LRP1B: variants seen among roughly 807,000 people sequenced by gnomAD.
LRP1B encodes the protein LDL receptor related protein 1B.
In LRP1B, 217 loss-of-function variants were observed where a neutral mutation model predicts 556.6. The observed-to-expected ratio is 0.39, with a 90% CI of 0.35 to 0.44. The LOEUF is 0.44. LRP1B is among the 20% of genes least tolerant of loss of function. The probability of loss-of-function intolerance (pLI) is 1.00; values close to 1 mark genes in which losing one functional copy is unlikely to be tolerated. For missense variants in LRP1B, 5,053 were observed against 5,620.8 expected (o/e 0.90, Z 3.23); for synonymous variants, 2,047 against 1,865.8 (o/e 1.10, Z -2.50).
Position 142,123,328 on chromosome 2 carries a change from T to C in LRP1B, c.82+7320A>G, listed in dbSNP as rs959321729. On this transcript the variant is annotated intron_variant, in intron 1 of 90. Coordinates refer to ENST00000389484, the MANE Select transcript of LRP1B (RefSeq NM_018557.3). ...AAATTCTTAAGGAATTATATATTCG[T>C]ATTTCTAAAGTTAAGCAGTCTTGGA... is the stretch of plus-strand genomic sequence containing the variant. Among the ~76,000 whole-genome samples the C allele has an allele frequency of 2.6e-5, 4 of 152,016 alleles. No individual in the cohort carries two copies. The East Asian group carries it at 7.7e-4, about 29-fold the overall frequency.
chr2:140,385,715 T>C (rs1683728341), intron 67 of LRP1B, among the ~76,000 whole-genome samples, 178 bp downstream of exon 67: 1 of 152,338 alleles, frequency 6.6e-6, no homozygotes. Context: ...AGCATTTCAA[T>C]AATTCTACCA....
chr2:141,840,118 G>A (rs1324362111), intron 1 of LRP1B, among the ~76,000 whole-genome samples: 1 of 151,976 alleles, frequency 6.6e-6, no homozygotes, highest in African/African-American at 2.4e-5. Context: ...AATTAATCAT[G>A]TAGAAATATG....
In LRP1B at chr2:140,737,097, T is replaced by A. The variant is rs542623342; in HGVS notation, c.5759-20281A>T. ...GGAAGACAAGAAGCCAGAGGGTGGT[T>A]GCCCCAATAAAAATGTATGATCCCT... On this transcript the variant is annotated intron_variant, in intron 35 of 90. Coordinates refer to ENST00000389484, the MANE Select transcript of LRP1B (RefSeq NM_018557.3). Among the ~76,000 whole-genome samples the A allele has an allele frequency of 7.1e-4, 108 of 152,250 alleles. 1 individual carries two copies. Among genetic ancestry groups the A allele is most frequent in the South Asian group, 3.7e-3 (18 of 4,822 alleles).
intron 9 of LRP1B, among the ~76,000 whole-genome samples, chr2:141,057,666 T>C (rs1297443456): frequency 6.6e-6 from 1 of 151,880 alleles, no homozygotes; most frequent in Non-Finnish European, 1.5e-5. Flanking sequence ...AAGATGTGAC[T>C]TGCTCCTCCT....
At chr2:141,699,129 G>A (rs757907077) in intron 2 of LRP1B, among the ~76,000 whole-genome samples, 20 of 151,744 alleles carry the variant, frequency 1.3e-4, no homozygotes, top group Admixed American at 6.6e-5. Context: ...TCATAAGCAC[G>A]AAGAGAGAAA....
chr2:141,957,490 G>T (rs1276019092), intron 1 of LRP1B, among the ~76,000 whole-genome samples: 1 of 151,762 alleles, frequency 6.6e-6, no homozygotes, highest in Non-Finnish European at 1.5e-5. Context: ...CTTGTCGGGA[G>T]AACTCAGTCA....
intron 1 of LRP1B, among the ~76,000 whole-genome samples, chr2:141,872,746 CA>C (rs922732569): frequency 2.0e-5 from 3 of 151,120 alleles, no homozygotes; most frequent in South Asian, 2.1e-4. Context: ...AAATCATTTA[CA>C]AAAAAAATGG....
intron 2 of LRP1B, among the ~76,000 whole-genome samples, chr2:141,790,127 C>G (rs1695563679): frequency 1.3e-5 from 2 of 151,748 alleles, no homozygotes; most frequent in African/African-American, 4.8e-5. Flanking sequence ...GAATCATTAC[C>G]TCATTGTTAT....
At chr2:141,712,794 C>A (rs1249264244) in intron 2 of LRP1B, among the ~76,000 whole-genome samples, 2 of 150,768 alleles carry the variant, frequency 1.3e-5, no homozygotes, top group African/African-American at 4.9e-5. Flanking sequence ...CTCAGCCTCC[C>A]TAGTAGCTAG....
At chr2:141,416,387 A>T (rs768374959) in intron 3 of LRP1B, among the ~76,000 whole-genome samples, 6 of 152,062 alleles carry the variant, frequency 3.9e-5, no homozygotes, top group Non-Finnish European at 8.8e-5. Flanking sequence ...AATTTAGGCA[A>T]GACATAAGCT....
intron 2 of LRP1B, among the ~76,000 whole-genome samples, chr2:141,498,537 C>T (rs1422657697): frequency 6.6e-6 from 1 of 151,804 alleles, no homozygotes; most frequent in African/African-American, 2.4e-5. Flanking sequence ...CAATGGTACC[C>T]TTTTATAATG....
intron 2 of LRP1B, among the ~76,000 whole-genome samples, chr2:141,673,605 G>A (rs1019785726): frequency 6.6e-6 from 1 of 152,070 alleles, no homozygotes. Flanking sequence ...GTAAAACAAT[G>A]TGAGAACATT....
chr2:140,455,047 T>G (rs1414357567), intron 62 of LRP1B, among the ~76,000 whole-genome samples: 1 of 152,188 alleles, frequency 6.6e-6, no homozygotes, highest in Non-Finnish European at 1.5e-5. Context: ...GGATGGAGGT[T>G]ACCTGAAAAT....
intron 35 of LRP1B, among the ~76,000 whole-genome samples, chr2:140,768,352 G>A (rs965006950): frequency 6.6e-6 from 1 of 151,736 alleles, no homozygotes; most frequent in Non-Finnish European, 1.5e-5. Flanking sequence ...ATAGCTATTT[G>A]TTTTTTAACA....
chr2:141,979,429 T>C (rs921471108), intron 1 of LRP1B, among the ~76,000 whole-genome samples: 7 of 152,112 alleles, frequency 4.6e-5, no homozygotes, highest in African/African-American at 1.7e-4. Context: ...TTTGTCATCA[T>C]TTTGTCGCAT....
At chr2:141,444,944 A>G (rs1483968176) in intron 3 of LRP1B, among the ~76,000 whole-genome samples, 1 of 152,168 alleles carries the variant, frequency 6.6e-6, no homozygotes, top group East Asian at 1.9e-4. Flanking sequence ...GGCCTCATAA[A>G]ATGAGTTAGG....
intron 18 of LRP1B, among the ~76,000 whole-genome samples, chr2:140,977,196 C>A (rs928959239): frequency 1.3e-5 from 2 of 152,108 alleles, no homozygotes; most frequent in Non-Finnish European, 2.9e-5. Context: ...GGGGGCAGGT[C>A]TTTGCCGTGC....
chr2:140,434,853 C>T lies in LRP1B; in HGVS notation c.10414+7651G>A, dbSNP rs141737426. 2.4e-4 allele frequency among the ~76,000 whole-genome samples: 37 copies of T among 152,044 alleles called. 1 individual carries two copies. In the East Asian group the frequency reaches 2.9e-3, roughly 12 times the overall value. Reference sequence around the variant, plus strand: ...TGGCTGAAAACAGCCTTTTTCATAGCGAAATCTAACACCATTTGGATCTTC... The same window carrying T: ...TGGCTGAAAACAGCCTTTTTCATAGTGAAATCTAACACCATTTGGATCTTC... On this transcript the variant is annotated intron_variant, in intron 66 of 90. Transcript: ENST00000389484.
intron 3 of LRP1B, among the ~76,000 whole-genome samples, chr2:141,272,665 G>A (rs1685131074): frequency 6.6e-6 from 1 of 151,874 alleles, no homozygotes; most frequent in Non-Finnish European, 1.5e-5. Context: ...AAGTTGGAGT[G>A]GCTATATAAT....
Sources: gnomAD v4.1 joint callset for allele counts (sites outside exome capture counted in the v4.1 genomes callset) on GRCh38, gnomAD v4.1.1 for gene constraint, MANE v1.5 for transcripts, NCBI Gene and HGNC (gene_info 2026-07-23, HGNC 2026-07-21) for gene names.